The following EZR variants were observed in gnomAD, a reference collection of about 807,000 sequenced individuals.
The protein encoded by EZR is cytovillin 2.
Under a neutral mutation model 74.8 loss-of-function variants are expected in EZR, and 40 were observed. The ratio of observed to expected loss-of-function variants is 0.53; its 90% CI spans 0.42 to 0.70. The LOEUF (loss-of-function observed/expected upper bound fraction) is 0.70. Ranked by LOEUF, EZR falls within the 30% of genes least tolerant of loss-of-function variation. The pLI is 0.00. For synonymous variants in EZR, 341 were observed against 283.3 expected, an observed-to-expected ratio of 1.20 and a Z score of -2.05; for missense variants, 678 against 755.8, an observed-to-expected ratio of 0.90 and a Z score of 1.21.
chr6:158,781,857 A>C (rs1327058025), intron 7 of EZR, among the ~76,000 whole-genome samples: 1 of 151,240 alleles, frequency 6.6e-6, no homozygotes. Flanking sequence ...TCTGCCTCCC[A>C]GGCTCAAGTG....
chr6:158,787,018 CAAA>C, intron 4 of EZR, 87 bp downstream of exon 4: 2 of 1,062,648 alleles, frequency 1.9e-6, no homozygotes, highest in Non-Finnish European at 2.8e-6. Context: ...GAACAGAAAA[CAAA>C]AGACAGGGTG....
intron 2 of EZR, among the ~76,000 whole-genome samples, chr6:158,803,346 A>T (rs1430820397): frequency 6.6e-6 from 1 of 150,834 alleles, no homozygotes; most frequent in Non-Finnish European, 1.5e-5. Flanking sequence ...TCGTCTGATG[A>T]CCTTTTTTTA....
At chr6:158,800,968 C>A (rs1039806543) in intron 2 of EZR, among the ~76,000 whole-genome samples, 2 of 152,068 alleles carry the variant, frequency 1.3e-5, no homozygotes, top group African/African-American at 2.4e-5. Context: ...AGAACATGAG[C>A]GCAAAGGCAA....
intron 5 of EZR, 130 bp downstream of exon 5, chr6:158,785,179 G>C: frequency 1.7e-6 from 2 of 1,158,044 alleles, no homozygotes; most frequent in African/African-American, 3.1e-5. Context: ...GTGACTTAAT[G>C]ACTAGCATGA....
At chr6:158,786,579 C>G (rs1452196406) in intron 4 of EZR, among the ~76,000 whole-genome samples, 1 of 151,944 alleles carries the variant, frequency 6.6e-6, no homozygotes, top group Non-Finnish European at 1.5e-5. Context: ...TTAAGAATTC[C>G]TCCTGCTCCT....
chr6:158,811,926 G>A (rs12181810), intron 2 of EZR, among the ~76,000 whole-genome samples: 16,958 of 116,962 alleles, frequency 0.14, 993 homozygotes, highest in Middle Eastern at 0.18. Context: ...CAGTGTGGAA[G>A]GAATAAAAGA....
chr6:158,813,943 T>C (rs1380376343), intron 2 of EZR, among the ~76,000 whole-genome samples: 1 of 152,168 alleles, frequency 6.6e-6, no homozygotes, highest in Non-Finnish European at 1.5e-5. Flanking sequence ...TCACTCCCCA[T>C]GCCTTCTTTC....
chr6:158,804,888 T>C (rs1285431055), intron 2 of EZR, among the ~76,000 whole-genome samples: 1 of 149,800 alleles, frequency 6.7e-6, no homozygotes, highest in Non-Finnish European at 1.5e-5. Flanking sequence ...GCATTAGGTA[T>C]ATCTCCCGAT....
intron 2 of EZR, among the ~76,000 whole-genome samples, chr6:158,803,582 CATATATATATATATATATATAT>C (rs60495898): frequency 0.32 from 13,925 of 43,232 alleles, 2,512 homozygotes; most frequent in African/African-American, 0.5. Context: ...TATATATATA[CATATATATATATATATATATAT>C]ACATATATAT....
At chr6:158,803,321 G>A (rs1165187900) in intron 2 of EZR, among the ~76,000 whole-genome samples, 3 of 150,892 alleles carry the variant, frequency 2.0e-5, no homozygotes, top group Non-Finnish European at 4.4e-5. Flanking sequence ...CTCGATACGA[G>A]GTATACGGTT....
chr6:158,775,777 G>A (rs1389127432), intron 8 of EZR, among the ~76,000 whole-genome samples: 1 of 152,218 alleles, frequency 6.6e-6, no homozygotes, highest in Non-Finnish European at 1.5e-5. Flanking sequence ...AAGTTTAAAT[G>A]TCAGCAGAAT....
chr6:158,801,125 T>A (rs972028674), intron 2 of EZR, among the ~76,000 whole-genome samples: 17 of 152,140 alleles, frequency 1.1e-4, no homozygotes, highest in African/African-American at 4.1e-4. Context: ...CCTGTCTTTT[T>A]AATTTTTTTT....
In EZR at chr6:158,791,643, G is replaced by C. The variant is rs147452156; in HGVS notation, c.13-2272C>G. ...ACCCCAAGTACAATTAGAACTGAAG[G>C]CCACTGTCTGGTTAGGACAAAGACA... On this transcript the variant is annotated intron_variant, in intron 2 of 13. Coordinates refer to ENST00000367075, the MANE Select transcript of EZR (RefSeq NM_001111077.2). 5.2e-3 allele frequency among the ~76,000 whole-genome samples: 782 copies of C among 151,028 alleles called. 1 individual carries two copies. The highest frequency in any genetic ancestry group is 0.013 in the African/African-American group (526 of 41,066).
chr6:158,773,004 T>A (rs1791164810), intron 8 of EZR, among the ~76,000 whole-genome samples: 1 of 152,226 alleles, frequency 6.6e-6, no homozygotes, highest in Admixed American at 6.5e-5. Context: ...ACACCCTTGC[T>A]GTTAAGTCAT....
chr6:158,815,881 C>A (rs528679885), intron 2 of EZR, among the ~76,000 whole-genome samples: 70 of 152,352 alleles, frequency 4.6e-4, no homozygotes, highest in Non-Finnish European at 7.8e-4. Context: ...CTTTCCTTAA[C>A]AGTTTCACAA....
At chr6:158,778,504 G>A (rs1007624559) in intron 7 of EZR, among the ~76,000 whole-genome samples, 1 of 152,142 alleles carries the variant, frequency 6.6e-6, no homozygotes, top group Non-Finnish European at 1.5e-5. Context: ...AAAGCCCAAG[G>A]ATTTCCTTTT....
Position 158,771,444 on chromosome 6 carries a change from C to CT in EZR, c.796-38dup, listed in dbSNP as rs1791106258. 3 of 1,539,454 alleles carry CT rather than the reference C, an allele frequency of 1.9e-6. No individual in the cohort carries two copies. In the Admixed American group the frequency reaches 6.3e-5, roughly 32 times the overall value. The stretch of plus-strand genomic sequence containing the variant: ...AACAGGGCCACCTGGACTCAAGCTC[C>CT]TTCGTTTGGTTTTCTTCTCCAAACC... On this transcript the variant is annotated intron_variant, in intron 8 of 13. Transcript: ENST00000367075.
At chr6:158,778,055 G>A (rs1791330421) in intron 7 of EZR, among the ~76,000 whole-genome samples, 2 of 152,206 alleles carry the variant, frequency 1.3e-5, no homozygotes, top group Non-Finnish European at 2.9e-5. Context: ...TTCAGCCTAT[G>A]TCCTCCTTAC....
chr6:158,795,008 T>C (rs1420424795), intron 2 of EZR, among the ~76,000 whole-genome samples: 1 of 152,172 alleles, frequency 6.6e-6, no homozygotes, highest in African/African-American at 2.4e-5. Flanking sequence ...CACAGCACTC[T>C]GGGGGGCCAA....
Sources: gnomAD v4.1 joint callset for allele counts (sites outside exome capture counted in the v4.1 genomes callset) on GRCh38, gnomAD v4.1.1 for gene constraint, MANE v1.5 for transcripts, NCBI Gene and HGNC (gene_info 2026-07-23, HGNC 2026-07-21) for gene names.